DLG2: variants seen among roughly 807,000 people sequenced by gnomAD.
DLG2 encodes disks large homolog 2.
DLG2 carries 45 observed loss-of-function variants against 132.5 expected under a neutral mutation model. The observed-to-expected ratio is 0.34, with a 90% confidence interval of 0.27 to 0.44. The LOEUF (loss-of-function observed/expected upper bound fraction) is 0.44, where lower values mean the gene tolerates loss of function less well. Ranked by LOEUF, DLG2 falls within the 20% of genes least tolerant of loss-of-function variation. The probability of loss-of-function intolerance (pLI) is 1.00; values close to 1 mark genes in which losing one functional copy is unlikely to be tolerated. For missense variants in DLG2, 1,045 were observed against 1,196.9 expected, an observed-to-expected ratio of 0.87 and a Z score of 1.87; for synonymous variants, 424 against 419.6, an observed-to-expected ratio of 1.01 and a Z score of -0.13.
chr11:85,195,599 C>G (rs1243585287), intron 4 of DLG2, among the ~76,000 whole-genome samples: 1 of 150,798 alleles, frequency 6.6e-6, no homozygotes, highest in Non-Finnish European at 1.5e-5. Flanking sequence ...TCTCGGCTCA[C>G]TGCAAGCTCC....
chr11:84,228,796 T>A (rs1348771162), intron 8 of DLG2, among the ~76,000 whole-genome samples: 1 of 152,232 alleles, frequency 6.6e-6, no homozygotes, highest in Non-Finnish European at 1.5e-5. Context: ...AATGAAATCA[T>A]GGCAGGCCAG....
intron 6 of DLG2, chr11:84,545,610 G>T (rs1201025255): frequency 1.2e-5 from 4 of 341,638 alleles, no homozygotes; most frequent in East Asian, 7.0e-5. Flanking sequence ...TCACAATATG[G>T]TACTTCAATC....
At chr11:84,291,301 G>T (rs376283691) in intron 7 of DLG2, among the ~76,000 whole-genome samples, 3 of 152,078 alleles carry the variant, frequency 2.0e-5, no homozygotes, top group Admixed American at 1.3e-4. Flanking sequence ...AATTAATAAG[G>T]TTAGGTAGAC....
At chr11:85,595,291 G>A (rs1280072413) in intron 3 of DLG2, among the ~76,000 whole-genome samples, 1 of 150,962 alleles carries the variant, frequency 6.6e-6, no homozygotes, top group East Asian at 1.9e-4. Context: ...GTTTTGTTTT[G>A]GAATATTAAT....
At chr11:85,369,448 C>G (rs367569050) in intron 3 of DLG2, among the ~76,000 whole-genome samples, 43 of 152,086 alleles carry the variant, frequency 2.8e-4, no homozygotes, top group Admixed American at 8.5e-4. Flanking sequence ...TTCTCTACCC[C>G]GTCAGCAGTT....
chr11:84,534,550 G>A lies in DLG2; in HGVS notation c.519+20C>T, dbSNP rs747880222. On this transcript the variant is annotated intron_variant, in intron 7 of 27. Transcript: ENST00000376104. The stretch of plus-strand genomic sequence containing the variant: ...AACTACTGTCACCAACTATAAAGTC[G>A]GAAGAGCAATATAACTGACCTTCAG... 2.3e-5 allele frequency: 37 copies of A among 1,610,232 alleles called. No homozygotes were observed. The highest frequency in any genetic ancestry group is 1.1e-4 in the East Asian group (5 of 44,840).
intron 11 of DLG2, among the ~76,000 whole-genome samples, chr11:84,014,809 C>A (rs2095083166): frequency 6.6e-6 from 1 of 151,612 alleles, no homozygotes; most frequent in East Asian, 1.9e-4. Context: ...ACAGGTGCAC[C>A]TGCCTACATC....
chr11:84,229,855 T>C (rs2097064960), intron 8 of DLG2, among the ~76,000 whole-genome samples: 1 of 152,186 alleles, frequency 6.6e-6, no homozygotes, highest in Admixed American at 6.5e-5. Flanking sequence ...TTAACACATG[T>C]AAAGCATGTA....
intron 7 of DLG2, among the ~76,000 whole-genome samples, chr11:84,424,446 T>A (rs969827294): frequency 9.2e-5 from 14 of 152,008 alleles, no homozygotes; most frequent in African/African-American, 3.4e-4. Flanking sequence ...ATTATATTCA[T>A]TTAAAAAAAA....
At chr11:83,682,476 T>C (rs879763721) in intron 18 of DLG2, 9 of 977,974 alleles carry the variant, frequency 9.2e-6, no homozygotes, top group African/African-American at 1.8e-5. Flanking sequence ...GTACCACTAT[T>C]AACCAATAAG....
chr11:84,119,371 A>G (rs10898205), intron 9 of DLG2, among the ~76,000 whole-genome samples: 112,405 of 151,722 alleles, frequency 0.74, 43,072 homozygotes, highest in Middle Eastern at 0.89. Flanking sequence ...ACGGCAAAGT[A>G]GGGGTGGATG....
chr11:85,139,848 T>C (rs567035658), intron 5 of DLG2, among the ~76,000 whole-genome samples: 3 of 152,162 alleles, frequency 2.0e-5, no homozygotes, highest in African/African-American at 7.2e-5. Flanking sequence ...ATTTTGTATA[T>C]GGTAAGTATG....
At chr11:84,138,750 A>G (rs2094710380) in intron 9 of DLG2, among the ~76,000 whole-genome samples, 1 of 152,112 alleles carries the variant, frequency 6.6e-6, no homozygotes, top group African/African-American at 2.4e-5. Flanking sequence ...GGAGTTCGAG[A>G]TGAGCCTGGC....
chr11:83,652,716 A>G (rs1360438207), intron 18 of DLG2, among the ~76,000 whole-genome samples: 1 of 152,136 alleles, frequency 6.6e-6, no homozygotes, highest in African/African-American at 2.4e-5. Context: ...TCATTGTGGT[A>G]TGATTCACAA....
intron 7 of DLG2, among the ~76,000 whole-genome samples, chr11:84,342,295 G>A (rs946670016): frequency 6.6e-6 from 1 of 152,188 alleles, no homozygotes; most frequent in African/African-American, 2.4e-5. Flanking sequence ...GCACCAGAAA[G>A]GAATGCCCAC....
chr11:83,902,717 G>A (rs546769538), intron 15 of DLG2, among the ~76,000 whole-genome samples: 83 of 152,152 alleles, frequency 5.5e-4, no homozygotes, highest in African/African-American at 2.0e-3. Flanking sequence ...GCATCCCAAG[G>A]GAACCCTTCC....
At chr11:84,828,360 A>G (rs11234195) in intron 6 of DLG2, among the ~76,000 whole-genome samples, 1 of 151,692 alleles carries the variant, frequency 6.6e-6, no homozygotes, top group Non-Finnish European at 1.5e-5. Context: ...GAAGATACTC[A>G]AGACAGGAAG....
intron 3 of DLG2, among the ~76,000 whole-genome samples, chr11:85,490,180 CCT>C (rs1275244275): frequency 6.6e-6 from 1 of 151,912 alleles, no homozygotes; most frequent in Non-Finnish European, 1.5e-5. Context: ...AGAATAAAAT[CCT>C]CTCTCTAAAG....
At chr11:85,256,704 G>C (rs535674729) in intron 4 of DLG2, among the ~76,000 whole-genome samples, 1 of 152,044 alleles carries the variant, frequency 6.6e-6, no homozygotes, top group Non-Finnish European at 1.5e-5. Flanking sequence ...GAGGAGCCAC[G>C]CCCCTGTCGA....
Sources: gnomAD v4.1 joint callset for allele counts (sites outside exome capture counted in the v4.1 genomes callset) on GRCh38, gnomAD v4.1.1 for gene constraint, MANE v1.5 for transcripts, NCBI Gene and HGNC (gene_info 2026-07-23, HGNC 2026-07-21) for gene names.